Variants in MALT1 observed in about 807,000 individuals in gnomAD.
MALT1 encodes the protein mucosa-associated lymphoid tissue lymphoma translocation protein 1.
Under a neutral mutation model 85.5 loss-of-function variants are expected in MALT1, and 36 were observed. That is an observed-to-expected ratio of 0.42 (90% CI 0.32 to 0.56). The LOEUF (loss-of-function observed/expected upper bound fraction) is 0.56, where lower values mean the gene tolerates loss of function less well. MALT1 is among the 20% of genes least tolerant of loss of function. MALT1 has a pLI of 0.10. For synonymous variants in MALT1, 359 were observed against 361.3 expected (o/e 0.99, Z 0.07); for missense variants, 716 against 981.6 (o/e 0.73, Z 3.62).
chr18:58,698,937 G>A (rs1478034008), intron 3 of MALT1, among the ~76,000 whole-genome samples: 5 of 152,162 alleles, frequency 3.3e-5, no homozygotes, highest in African/African-American at 9.7e-5. Flanking sequence ...TTTACTCTTG[G>A]TCTGTTGCCT....
rs1039826858 is a variant in MALT1, at chr18:58,750,989, A to G, written c.*3147A>G. 1 of 152,216 alleles carries G rather than the reference A, an allele frequency of 6.6e-6. No homozygotes were observed. The highest frequency in any genetic ancestry group is 1.5e-5 in the Non-Finnish European group (1 of 68,054). The allele number at this position is 152,216 out of a possible 1,614,324, so 9.4% of individuals were successfully genotyped here. On this transcript the variant is annotated 3_prime_UTR_variant, in exon 17 of 17. Coordinates refer to ENST00000649217, the MANE Select transcript of MALT1 (RefSeq NM_006785.4). ...TCATGTATCTGATAAAAAAACAAAC[A>G]AACATGCAGGTGCTCAGCTGTGGTT... is the stretch of plus-strand genomic sequence containing the variant.
rs2054871023 is a variant in MALT1 at position 58,714,287 on chromosome 18, TA to T, written c.985+183del. 3.9e-5 allele frequency among the ~76,000 whole-genome samples: 6 copies of T among 152,284 alleles called. No homozygotes were observed. The South Asian group carries it at 1.2e-3, about 32-fold the overall frequency. On this transcript the variant is annotated intron_variant, in intron 8 of 16. Transcript: ENST00000649217. ...GTACAATTTTATACAAGTGATACATTAAAAATATTTTAGGTTATAAAACTGT... is the reference window on the plus strand; with the variant it reads ...GTACAATTTTATACAAGTGATACATTAAAATATTTTAGGTTATAAAACTGT...
chr18:58,744,145 CTA>C (rs1224315490), intron 14 of MALT1, among the ~76,000 whole-genome samples, 191 bp from the exon 15 acceptor site: 1 of 152,088 alleles, frequency 6.6e-6, no homozygotes, highest in African/African-American at 2.4e-5. Context: ...TGGATAAGAA[CTA>C]TAAACAAATG....
intron 13 of MALT1, among the ~76,000 whole-genome samples, chr18:58,736,080 G>C (rs1004159990): frequency 1.3e-5 from 2 of 152,074 alleles, no homozygotes; most frequent in Non-Finnish European, 2.9e-5. Context: ...TTAAGGCCAA[G>C]AGTTCAAGAC....
intron 16 of MALT1, 52 bp from the exon 17 acceptor site, chr18:58,747,353 A>G: frequency 8.9e-7 from 1 of 1,126,524 alleles, no homozygotes; most frequent in Non-Finnish European, 1.3e-6. Context: ...TTTCAGATTG[A>G]TATATATTCA....
chr18:58,733,562 T>C lies in MALT1; in HGVS notation c.1388T>C (p.Met463Thr), dbSNP rs753658644. ...GGACTTAATGTGTTCTTATTGGATA[T>C]GTGTAGGAAAAGGTAAGTTTTCTAA... ...ETGLNVFLLD[M>T]CRKRNDYDDT... is the part of the protein sequence containing the mutation. Residue 463 changes from methionine to threonine, a missense_variant, in exon 11 of 17, where the codon ATG (methionine) becomes ACG (threonine). Met to Thr is a moderately conservative substitution (Grantham distance 81, BLOSUM62 -1). Around this residue, in one of 4 missense-constraint regions of MALT1, gnomAD observed 86 missense variants for 212.3 expected, o/e 0.41. Coordinates refer to ENST00000649217, the MANE Select transcript of MALT1 (RefSeq NM_006785.4). The C allele has an allele frequency of 6.3e-7, 1 of 1,596,188 alleles. No individual in the cohort carries two copies. Among genetic ancestry groups the C allele is most frequent in the South Asian group, 1.1e-5 (1 of 87,310 alleles).
rs977035739 is a variant in MALT1, at chr18:58,709,956, A to G, written c.829-20A>G. Reference sequence around the variant, plus strand: ...TTAAAATAGAAGAGGAAGCATTTACATGTTCTAATATTGATATAGGTGCCT... The same window carrying G: ...TTAAAATAGAAGAGGAAGCATTTACGTGTTCTAATATTGATATAGGTGCCT... On this transcript the variant is annotated intron_variant, in intron 5 of 16. Transcript: ENST00000649217. 6 of 1,453,520 alleles carry G rather than the reference A, an allele frequency of 4.1e-6. No homozygotes were observed. In the African/African-American group the frequency reaches 4.2e-5, roughly 10 times the overall value. 90.0% of individuals were successfully genotyped at this position (1,453,520 alleles called of 1,614,324 possible). A position where few individuals can be genotyped will look rare whatever the true frequency, so the allele number is the denominator to read the frequency against.
chr18:58,713,495 TGA>T (rs1244529273), intron 7 of MALT1, among the ~76,000 whole-genome samples: 2 of 151,432 alleles, frequency 1.3e-5, no homozygotes, highest in African/African-American at 4.8e-5. Flanking sequence ...AAGGAACACC[TGA>T]GCAGGTGTCA....
At position 58,747,541 on chromosome 18, in the gene MALT1, C is replaced by G; in HGVS notation, c.2174C>G (p.Thr725Ser). The G allele has an allele frequency of 6.2e-7, 1 of 1,614,162 alleles. No individual in the cohort carries two copies. Among genetic ancestry groups the G allele is most frequent in the Non-Finnish European group, 8.5e-7 (1 of 1,180,020 alleles). The change falls in exon 17 of 17, where the codon ACT becomes AGT. Residue 725 changes from threonine (T) to serine (S), a missense_variant. Physicochemically the swap from Thr to Ser is moderately conservative, Grantham distance 58. Coordinates refer to ENST00000649217, the MANE Select transcript of MALT1 (RefSeq NM_006785.4). Reference protein sequence around the residue: ...LDMHRGLGRKTCFQTCLMSNG... With the variant: ...LDMHRGLGRKSCFQTCLMSNG... ...ATGCATCGAGGTTTGGGAAGGAAGA[C>G]TTGCTTTCAAACTTGTCTTATGTCT... is the stretch of plus-strand genomic sequence containing the variant.
chr18:58,723,017 T>G, intron 9 of MALT1, 31 bp from the exon 10 acceptor site: 1 of 1,547,132 alleles, frequency 6.5e-7, no homozygotes, highest in Non-Finnish European at 8.9e-7. Context: ...TTATATCTTC[T>G]TTAAACACCC....
At chr18:58,702,665 T>C (rs1463942139) in intron 4 of MALT1, among the ~76,000 whole-genome samples, 1 of 152,232 alleles carries the variant, frequency 6.6e-6, no homozygotes. Flanking sequence ...TTTTCCATAA[T>C]GCGTATTTTT....
At chr18:58,685,518 T>A (rs2054389109) in intron 2 of MALT1, among the ~76,000 whole-genome samples, 1 of 152,176 alleles carries the variant, frequency 6.6e-6, no homozygotes, top group Non-Finnish European at 1.5e-5. Context: ...TAGAGCAGTA[T>A]CCATGCATCT....
At chr18:58,720,763 A>G (rs566162796) in intron 9 of MALT1, among the ~76,000 whole-genome samples, 1 of 152,362 alleles carries the variant, frequency 6.6e-6, no homozygotes, top group East Asian at 1.9e-4. Flanking sequence ...TTTTCTACCA[A>G]TAAAAATCTA....
intron 8 of MALT1, among the ~76,000 whole-genome samples, chr18:58,715,245 A>G (rs1233193376): frequency 6.6e-6 from 1 of 152,208 alleles, no homozygotes; most frequent in East Asian, 1.9e-4. Context: ...TATTTCAGAA[A>G]AACTTTTGTA....
intron 15 of MALT1, among the ~76,000 whole-genome samples, chr18:58,745,278 T>G (rs2055350604): frequency 6.6e-6 from 1 of 152,188 alleles, no homozygotes; most frequent in Admixed American, 6.5e-5. Flanking sequence ...TTATCCTTCT[T>G]AAATATTCTA....
chr18:58,740,090 A>G (rs968678297), intron 13 of MALT1, among the ~76,000 whole-genome samples: 1 of 152,186 alleles, frequency 6.6e-6, no homozygotes, highest in Non-Finnish European at 1.5e-5. Context: ...TTGATAAGTT[A>G]TATTTTCCTA....
Position 58,747,872 on chromosome 18 carries a change from T to G in MALT1, c.*30T>G. ...CTTGTTTTTGAAAGTTAGCATAATT[T>G]TAGATGCCTGTGAAATAGTACTGCA... On this transcript the variant is annotated 3_prime_UTR_variant, in exon 17 of 17. Transcript: ENST00000649217. The G allele has an allele frequency of 6.4e-7, 1 of 1,568,852 alleles. No individual in the cohort carries two copies. Among genetic ancestry groups the G allele is most frequent in the East Asian group, 2.2e-5 (1 of 44,694 alleles).
chr18:58,745,845 A>G (rs1220291078), intron 16 of MALT1, 54 bp downstream of exon 16: 1 of 1,552,712 alleles, frequency 6.4e-7, no homozygotes, highest in African/African-American at 1.4e-5. Flanking sequence ...GAAACTGGAA[A>G]CTTATTTTGG....
At chr18:58,688,026 T>C (rs1048245987) in intron 2 of MALT1, among the ~76,000 whole-genome samples, 13 of 152,182 alleles carry the variant, frequency 8.5e-5, no homozygotes, top group Non-Finnish European at 1.8e-4. Context: ...GAACTTTCAT[T>C]TGTATGCCTT....
Sources: gnomAD v4.1 joint callset for allele counts (sites outside exome capture counted in the v4.1 genomes callset) on GRCh38, gnomAD v4.1.1 for gene constraint, gnomAD v4.1.1 regional missense constraint, MANE v1.5 for transcripts, NCBI Gene and HGNC (gene_info 2026-07-23, HGNC 2026-07-21) for gene names.